MSX1: variants seen among roughly 807,000 people sequenced by gnomAD.
MSX1 encodes the protein msh homeobox 1.
Under a neutral mutation model 17.0 loss-of-function variants are expected in MSX1, and 11 were observed. The ratio of observed to expected loss-of-function variants is 0.65; its 90% confidence interval spans 0.41 to 1.07. MSX1 has a LOEUF of 1.07. MSX1 is among the 50% of genes least tolerant of loss of function. MSX1 has a pLI of 0.00. For missense variants in MSX1, 477 were observed against 440.1 expected (o/e 1.08, Z -0.75); for synonymous variants, 253 against 211.8 (o/e 1.19, Z -1.69).
At chr4:4,861,866 C>G (rs1737922891) in intron 1 of MSX1, among the ~76,000 whole-genome samples, 1 of 148,888 alleles carries the variant, frequency 6.7e-6, no homozygotes, top group Admixed American at 6.8e-5. Context: ...AGGGGAGAGG[C>G]GATCTCAACA....
In MSX1 at chr4:4,860,260, G is replaced by T. The variant is rs765128034; in HGVS notation, c.361G>T (p.Gly121Trp). The T allele has an allele frequency of 6.3e-6, 10 of 1,595,368 alleles. No individual in the cohort carries two copies. The South Asian group carries it at 8.9e-5, about 14-fold the overall frequency. ...SPRPLGHFSV[G>W]GLLKLPEDAL... The stretch of plus-strand genomic sequence containing the variant: ...GCGGCCGCTCGGCCATTTCTCGGTG[G>T]GGGGACTCCTCAAGCTGCCAGAAGA... The change falls in exon 1 of 2, where the codon GGG becomes TGG. Residue 121 changes from glycine to tryptophan, a missense_variant. Physicochemically the swap from Gly to Trp is radical, Grantham distance 184. Transcript: ENST00000382723.
rs1737979890 is a variant in MSX1, at chr4:4,863,582, A to AAAAAAAAAAAAAAAAAAAAAAAAAC, written c.*445_*446insAAAAAAAAAAAAAAAAAACAAAAAA. The AAAAAAAAAAAAAAAAAAAAAAAAAC allele has an allele frequency of 7.4e-6, 1 of 134,684 alleles. No homozygotes were observed. Among genetic ancestry groups the AAAAAAAAAAAAAAAAAAAAAAAAAC allele is most frequent in the Admixed American group, 7.9e-5 (1 of 12,648 alleles). 8.3% of individuals were successfully genotyped at this position (134,684 alleles called of 1,614,324 possible). On this transcript the variant is annotated 3_prime_UTR_variant, in exon 2 of 2. Coordinates refer to ENST00000382723, the MANE Select transcript of MSX1 (RefSeq NM_002448.3). ...AAAAAAAAAAAAAAAAAAAAAAAAAAAAAAAAGAAAAGAGAAAAAAAAGAC... is the reference window on the plus strand; with the variant it reads ...AAAAAAAAAAAAAAAAAAAAAAAAAAAAAAAAAAAAAAAAAAAAAAAAAACAAAAAAGAAAAGAGAAAAAAAAGAC...
intron 1 of MSX1, among the ~76,000 whole-genome samples, chr4:4,862,003 C>T (rs971191457): frequency 3.9e-5 from 6 of 152,090 alleles, no homozygotes; most frequent in Non-Finnish European, 5.9e-5. Flanking sequence ...AAAGAAAAAG[C>T]CCATTAGAAT....
Position 4,862,876 on chromosome 4 carries a change from G to A in MSX1, c.645G>A (p.Gln215=). Residue 215 remains glutamine, a synonymous_variant, in exon 2 of 2, where the codon CAG becomes CAA. Coordinates refer to ENST00000382723, the MANE Select transcript of MSX1 (RefSeq NM_002448.3). ...GCTCGCTCAGCCTCACTGAGACGCA[G>A]GTGAAGATATGGTTCCAGAACCGCC... The part of the protein sequence containing the change: ...FSSSLSLTET[Q]VKIWFQNRRA... The A allele has an allele frequency of 6.2e-7, 1 of 1,613,788 alleles. No homozygotes were observed.
rs201950865 is a variant in MSX1, at chr4:4,863,327, A to G, written c.*184A>G. On this transcript the variant is annotated 3_prime_UTR_variant, in exon 2 of 2. Coordinates refer to ENST00000382723, the MANE Select transcript of MSX1 (RefSeq NM_002448.3). ...CTGATCCCTGCCAAAAAGTGGCTGG[A>G]AGAGTCCCTTAGTACTCTTCTAGCA... is the stretch of plus-strand genomic sequence containing the variant. 4 of 638,926 alleles carry G rather than the reference A, an allele frequency of 6.3e-6. No homozygotes were observed. The highest frequency in any genetic ancestry group is 2.6e-5 in the Admixed American group (1 of 37,920). The allele number at this position is 638,926 out of a possible 1,614,324, so 39.6% of individuals were successfully genotyped here.
At chr4:4,862,187 T>A (rs1737931468) in intron 1 of MSX1, among the ~76,000 whole-genome samples, 1 of 152,248 alleles carries the variant, frequency 6.6e-6, no homozygotes. Context: ...ATTTGGATTC[T>A]ATGCCACAAA....
At chr4:4,860,538 A>G (rs1737891197) in intron 1 of MSX1, among the ~76,000 whole-genome samples, 170 bp downstream of exon 1, 1 of 152,176 alleles carries the variant, frequency 6.6e-6, no homozygotes, top group Admixed American at 6.5e-5. Flanking sequence ...CCACCCAGGA[A>G]GAAGGTTCCA....
chr4:4,862,593 C>G (rs750056358), intron 1 of MSX1, 108 bp from the exon 2 acceptor site: 1 of 1,324,040 alleles, frequency 7.6e-7, no homozygotes, highest in Non-Finnish European at 1.1e-6. Flanking sequence ...AGGCACTTGG[C>G]GGCACTCAAT....
In MSX1 at chr4:4,862,798, C is replaced by T; in HGVS notation, c.567C>T (p.Arg189=). Residue 189 remains arginine, a synonymous_variant, in exon 2 of 2, where the codon CGC becomes CGT. Coordinates refer to ENST00000382723, the MANE Select transcript of MSX1 (RefSeq NM_002448.3). The part of the protein sequence containing the change: ...FTTAQLLALE[R]KFRQKQYLSI... ...CCGCGCAGCTGCTGGCGCTGGAGCG[C>T]AAGTTCCGCCAGAAGCAGTACCTGT... 4 of 1,613,616 alleles carry T rather than the reference C, an allele frequency of 2.5e-6. No individual in the cohort carries two copies. Among genetic ancestry groups the T allele is most frequent in the Non-Finnish European group, 3.4e-6 (4 of 1,180,002 alleles).
rs1737963018 is a variant in MSX1, at chr4:4,863,151, C to T, written c.*8C>T. 13 of 1,589,152 alleles carry T rather than the reference C, an allele frequency of 8.2e-6. No individual in the cohort carries two copies. The highest frequency in any genetic ancestry group is 1.1e-5 in the Non-Finnish European group (13 of 1,174,322). On this transcript the variant is annotated 3_prime_UTR_variant, in exon 2 of 2. Coordinates refer to ENST00000382723, the MANE Select transcript of MSX1 (RefSeq NM_002448.3). ...ATGTACCACCTGACATAGAGGGTCC[C>T]AGGTCGCCCACCTGTGGGCCAGCCG... is the stretch of plus-strand genomic sequence containing the variant.
At chr4:4,860,493 G>A in intron 1 of MSX1, 125 bp downstream of exon 1, 1 of 1,232,272 alleles carries the variant, frequency 8.1e-7, no homozygotes, top group Admixed American at 2.1e-5. Context: ...GGGAGCCGTG[G>A]GCTGCAAGGC....
chr4:4,860,043 G>A lies in MSX1; in HGVS notation c.144G>A (p.Glu48=). Residue 48 remains glutamate (E), a synonymous_variant, in exon 1 of 2, where the codon GAG becomes GAA. Coordinates refer to ENST00000382723, the MANE Select transcript of MSX1 (RefSeq NM_002448.3). The stretch of plus-strand genomic sequence containing the variant: ...CAGCCGCCATGGGCGCGGACGAGGA[G>A]GGGGCCAAGCCCAAAGTGTCCCCTT... ...ATAAAMGADE[E]GAKPKVSPSL... The A allele has an allele frequency of 2.6e-6, 4 of 1,511,794 alleles. No homozygotes were observed. In the South Asian group the frequency reaches 3.8e-5, roughly 14 times the overall value. 93.6% of individuals were successfully genotyped at this position (1,511,794 alleles called of 1,614,324 possible).
At position 4,862,944 on chromosome 4, in the gene MSX1, T is replaced by A; in HGVS notation, c.713T>A (p.Leu238Gln). The A allele has an allele frequency of 6.2e-7, 1 of 1,613,236 alleles. No individual in the cohort carries two copies. Among genetic ancestry groups the A allele is most frequent in the Non-Finnish European group, 8.5e-7 (1 of 1,179,988 alleles). ...CTACAAGAGGCAGAGCTGGAGAAGC[T>A]GAAGATGGCCGCCAAGCCCATGCTG... ...KRLQEAELEK[L>Q]KMAAKPMLPP... The change falls in exon 2 of 2, where the codon CTG becomes CAG. Residue 238 changes from leucine to glutamine, a missense_variant. Around this residue, in one of 3 missense-constraint regions of MSX1, gnomAD observed 114 missense variants for 106.3 expected, o/e 1.07. Coordinates refer to ENST00000382723, the MANE Select transcript of MSX1 (RefSeq NM_002448.3).
At position 4,860,338 on chromosome 4, in the gene MSX1, C is replaced by T; in HGVS notation, c.439C>T (p.Gln147Ter). The stretch of plus-strand genomic sequence containing the variant: ...GAAGCCCGAGAGGACCCCGTGGATG[C>T]AGAGCCCCCGCTTCTCCCCGCCGCC... ...PEKPERTPWM[Q>*]SPRFSPPPAR... The change falls in exon 1 of 2, where the codon CAG becomes TAG. Residue 147 changes from glutamine (Q) to a stop codon, truncating the protein, a stop_gained. Coordinates refer to ENST00000382723, the MANE Select transcript of MSX1 (RefSeq NM_002448.3). LOFTEE classifies it high-confidence loss of function. 6.2e-7 allele frequency: 1 copy of T among 1,604,556 alleles called. No homozygotes were observed. The highest frequency in any genetic ancestry group is 1.1e-5 in the South Asian group (1 of 91,004).
chr4:4,860,437 G>A, intron 1 of MSX1, 69 bp downstream of exon 1: 1 of 1,532,470 alleles, frequency 6.5e-7, no homozygotes, highest in Admixed American at 1.9e-5. Flanking sequence ...TGGGACCCGA[G>A]GGCTCCTGGT....
Position 4,860,097 on chromosome 4 carries a change from C to G in MSX1, c.198C>G (p.Leu66=), listed in dbSNP as rs773115381. The change falls in exon 1 of 2, where the codon CTC becomes CTG. Residue 66 remains leucine, a synonymous_variant. Transcript: ENST00000382723. Reference sequence around the variant, plus strand: ...TCCTGCCCTTCAGCGTGGAGGCGCTCATGGCCGACCACAGGAAGCCGGGGG... The same window carrying G: ...TCCTGCCCTTCAGCGTGGAGGCGCTGATGGCCGACCACAGGAAGCCGGGGG... ...PSLLPFSVEA[L]MADHRKPGAK... The G allele has an allele frequency of 6.6e-7, 1 of 1,519,238 alleles. No homozygotes were observed. The highest frequency in any genetic ancestry group is 8.8e-7 in the Non-Finnish European group (1 of 1,136,906). 94.1% of individuals were successfully genotyped at this position (1,519,238 alleles called of 1,614,324 possible). A position where few individuals can be genotyped will look rare whatever the true frequency, so the allele number is the denominator to read the frequency against.
At chr4:4,861,555 C>T (rs1438967284) in intron 1 of MSX1, among the ~76,000 whole-genome samples, 2 of 152,252 alleles carry the variant, frequency 1.3e-5, no homozygotes, top group Admixed American at 6.5e-5. Flanking sequence ...GCAAAACCCG[C>T]GTGGTGAAAC....
In MSX1 at chr4:4,860,340, G is replaced by A. The variant is rs767772329; in HGVS notation, c.441G>A (p.Gln147=). 1.9e-6 allele frequency: 3 copies of A among 1,604,526 alleles called. No homozygotes were observed. Among genetic ancestry groups the A allele is most frequent in the South Asian group, 2.2e-5 (2 of 91,016 alleles). Residue 147 remains glutamine, a synonymous_variant, in exon 1 of 2, where the codon CAG becomes CAA. Transcript: ENST00000382723. ...AGCCCGAGAGGACCCCGTGGATGCA[G>A]AGCCCCCGCTTCTCCCCGCCGCCGG... ...PEKPERTPWM[Q]SPRFSPPPAR...
chr4:4,859,842 C>A lies in MSX1; in HGVS notation c.-58C>A. On this transcript the variant is annotated 5_prime_UTR_variant, in exon 1 of 2. Coordinates refer to ENST00000382723, the MANE Select transcript of MSX1 (RefSeq NM_002448.3). Reference sequence around the variant, plus strand: ...AGGCCGGCCGCGCTCCCAGCCCGCCCGGAGCCCATGCCCGGCGGCTGGCCA... The same window carrying A: ...AGGCCGGCCGCGCTCCCAGCCCGCCAGGAGCCCATGCCCGGCGGCTGGCCA... The A allele has an allele frequency of 1.4e-6, 2 of 1,389,826 alleles. No homozygotes were observed. Among genetic ancestry groups the A allele is most frequent in the South Asian group, 1.7e-5 (1 of 60,520 alleles). The allele number at this position is 1,389,826 out of a possible 1,614,324, so 86.1% of individuals were successfully genotyped here.
Sources: allele counts gnomAD v4.1 joint callset (sites outside exome capture counted in the v4.1 genomes callset), GRCh38; gene constraint gnomAD v4.1.1; regional missense constraint gnomAD v4.1.1; transcripts MANE v1.5; gene names NCBI Gene and HGNC (gene_info 2026-07-23, HGNC 2026-07-21).